CDH13: variants seen among roughly 807,000 people sequenced by gnomAD.
CDH13 encodes cadherin 13, also known as cadherin-13.
Under a neutral mutation model 63.8 loss-of-function variants are expected in CDH13, and 24 were observed. That is an observed-to-expected ratio of 0.38 (90% CI 0.27 to 0.53). CDH13 has a LOEUF of 0.53. Ranked by LOEUF, CDH13 falls within the 20% of genes least tolerant of loss-of-function variation. The pLI, the probability that CDH13 is intolerant of heterozygous loss-of-function variation, is 0.85. For missense variants in CDH13, 1,049 were observed against 903.1 expected, an observed-to-expected ratio of 1.16 and a Z score of -2.07; for synonymous variants, 503 against 355.3, an observed-to-expected ratio of 1.42 and a Z score of -4.67.
At chr16:82,727,580 C>T (rs1426330624) in intron 1 of CDH13, 1 of 152,160 alleles carries the variant, frequency 6.6e-6, no homozygotes, top group Non-Finnish European at 1.5e-5. Flanking sequence ...AGGGTAAGAG[C>T]TCATCCCATT....
intron 5 of CDH13, among the ~76,000 whole-genome samples, chr16:83,343,459 G>A (rs776190277): frequency 3.9e-5 from 6 of 152,138 alleles, no homozygotes; most frequent in Non-Finnish European, 5.9e-5. Flanking sequence ...CAAATATGTA[G>A]TGCAAACTTA....
chr16:82,745,158 G>A (rs181914681), intron 1 of CDH13, among the ~76,000 whole-genome samples: 3 of 152,146 alleles, frequency 2.0e-5, no homozygotes, highest in African/African-American at 7.2e-5. Flanking sequence ...AAAGAATACT[G>A]TTGAATCTGG....
chr16:82,900,994 C>G (rs1339706983), intron 2 of CDH13, among the ~76,000 whole-genome samples: 1 of 152,006 alleles, frequency 6.6e-6, no homozygotes, highest in Admixed American at 6.5e-5. Flanking sequence ...CCCAGAATGC[C>G]AAGGGAAGTT....
intron 7 of CDH13, among the ~76,000 whole-genome samples, chr16:83,580,772 C>G (rs995656794): frequency 9.2e-5 from 14 of 151,978 alleles, no homozygotes; most frequent in African/African-American, 3.4e-4. Context: ...TATTACAGGC[C>G]TGCACCACCA....
At chr16:82,993,707 G>C (rs530078110) in intron 2 of CDH13, among the ~76,000 whole-genome samples, 1 of 152,172 alleles carries the variant, frequency 6.6e-6, no homozygotes, top group African/African-American at 2.4e-5. Flanking sequence ...ACACCTCTGG[G>C]GAAGTGTCTA....
chr16:82,879,713 A>G (rs2040626845), intron 2 of CDH13, among the ~76,000 whole-genome samples: 1 of 138,588 alleles, frequency 7.2e-6, no homozygotes, highest in African/African-American at 2.6e-5. Context: ...ATGTTTCATT[A>G]TATATAATAT....
chr16:83,217,570 G>C (rs963972333), intron 5 of CDH13, 73 bp downstream of exon 5: 2 of 1,483,220 alleles, frequency 1.3e-6, no homozygotes, highest in African/African-American at 2.8e-5. Flanking sequence ...TTCCCACTGA[G>C]CTCATTATTT....
intron 1 of CDH13, among the ~76,000 whole-genome samples, chr16:82,734,862 G>T (rs569528192): frequency 6.6e-6 from 1 of 152,310 alleles, no homozygotes; most frequent in South Asian, 2.1e-4. Flanking sequence ...GCTGAGAGCC[G>T]AGGGCTGCCT....
chr16:82,857,875 G>A (rs980079879), intron 1 of CDH13, among the ~76,000 whole-genome samples: 3 of 152,112 alleles, frequency 2.0e-5, no homozygotes, highest in Admixed American at 6.5e-5. Context: ...AGTAGCCACC[G>A]GTGGTTCATG....
intron 6 of CDH13, among the ~76,000 whole-genome samples, chr16:83,422,734 T>C (rs2071754595): frequency 6.6e-6 from 1 of 152,160 alleles, no homozygotes; most frequent in Non-Finnish European, 1.5e-5. Flanking sequence ...GCATGACCTC[T>C]CATTGAGATT....
At chr16:83,379,420 T>C (rs1447299192) in intron 6 of CDH13, among the ~76,000 whole-genome samples, 2 of 152,110 alleles carry the variant, frequency 1.3e-5, no homozygotes, top group Admixed American at 6.5e-5. Flanking sequence ...GATGGATGGA[T>C]GGTAAGGTTA....
intron 1 of CDH13, among the ~76,000 whole-genome samples, chr16:82,658,975 T>A (rs1911619199): frequency 6.6e-6 from 1 of 152,200 alleles, no homozygotes; most frequent in Non-Finnish European, 1.5e-5. Flanking sequence ...TAAAGCTGAC[T>A]CTATGTCTTG....
chr16:83,490,586 G>A (rs926422698), intron 7 of CDH13, among the ~76,000 whole-genome samples: 5 of 152,128 alleles, frequency 3.3e-5, no homozygotes, highest in African/African-American at 9.7e-5. Flanking sequence ...CTATCTGCTT[G>A]CACTCACCAT....
chr16:83,522,128 G>C (rs972587562), intron 7 of CDH13, among the ~76,000 whole-genome samples: 1 of 152,156 alleles, frequency 6.6e-6, no homozygotes, highest in African/African-American at 2.4e-5. Context: ...TCTGCCCACC[G>C]GGTGCTGTCT....
intron 8 of CDH13, among the ~76,000 whole-genome samples, chr16:83,643,911 C>T (rs1225673351): frequency 2.0e-5 from 3 of 152,252 alleles, no homozygotes; most frequent in Non-Finnish European, 2.9e-5. Flanking sequence ...CCCAGCTCTT[C>T]CTCTAAGTGG....
chr16:83,109,799 C>G (rs2034971097), intron 3 of CDH13, among the ~76,000 whole-genome samples: 1 of 152,212 alleles, frequency 6.6e-6, no homozygotes. Flanking sequence ...TAGAGGGAAA[C>G]TGTATCCATT....
At chr16:83,485,588 G>C (rs1016535428) in intron 6 of CDH13, among the ~76,000 whole-genome samples, 1 of 151,930 alleles carries the variant, frequency 6.6e-6, no homozygotes, top group Non-Finnish European at 1.5e-5. Flanking sequence ...TTTTTGCTCT[G>C]AGGTCCCTTT....
rs113202800 is a variant in CDH13 at position 82,801,379 on chromosome 16, A to G, written c.46-56983A>G. 1.0e-3 allele frequency among the ~76,000 whole-genome samples: 156 copies of G among 152,286 alleles called. 1 individual carries two copies. The highest frequency in any genetic ancestry group is 3.6e-3 in the African/African-American group (151 of 41,554). On this transcript the variant is annotated intron_variant, in intron 1 of 13. Coordinates refer to ENST00000567109, the MANE Select transcript of CDH13 (RefSeq NM_001257.5). The stretch of plus-strand genomic sequence containing the variant: ...GGGACCTCTAGCTTCTGTGGATTCA[A>G]ATGCTTTAAGGAAAAATACTCAGTC...
At chr16:82,888,506 G>T (rs943796706) in intron 2 of CDH13, among the ~76,000 whole-genome samples, 1 of 152,154 alleles carries the variant, frequency 6.6e-6, no homozygotes, top group African/African-American at 2.4e-5. Flanking sequence ...AGCCACTTCT[G>T]CTCCCCCACA....
Sources: gnomAD v4.1 joint callset for allele counts (sites outside exome capture counted in the v4.1 genomes callset) on GRCh38, gnomAD v4.1.1 for gene constraint, MANE v1.5 for transcripts, NCBI Gene and HGNC (gene_info 2026-07-23, HGNC 2026-07-21) for gene names.